Variants in TMTC1 observed in about 807,000 individuals in gnomAD.
The protein encoded by TMTC1 is transmembrane O-mannosyltransferase targeting cadherins 1.
In TMTC1, 73 loss-of-function variants were observed where a neutral mutation model predicts 104.8. That is an observed-to-expected ratio of 0.70 (90% confidence interval 0.58 to 0.85). TMTC1 has a LOEUF of 0.85. Ranked by LOEUF, TMTC1 falls within the 40% of genes least tolerant of loss-of-function variation. TMTC1 has a pLI of 0.00. For missense variants in TMTC1, 1,035 were observed against 1,096.1 expected (o/e 0.94, Z 0.79); for synonymous variants, 434 against 428.7 (o/e 1.01, Z -0.15).
chr12:29,767,956 C>G lies in TMTC1; in HGVS notation c.422G>C (p.Arg141Pro). Residue 141 changes from arginine to proline, a missense_variant, in exon 2 of 18, where the codon CGT becomes CCT. Physicochemically the swap from Arg to Pro is moderately radical, Grantham distance 103. Transcript: ENST00000539277. ...YTCDKTVFKN[R>P]GLAFVTALLF... The stretch of plus-strand genomic sequence containing the variant: ...CAATGCCGTTACAAAAGCAAGTCCA[C>G]GATTCTTGAAGACAGTTTTATCACA... The G allele has an allele frequency of 1.2e-6, 2 of 1,613,840 alleles. No individual in the cohort carries two copies. Among genetic ancestry groups the G allele is most frequent in the Non-Finnish European group, 1.7e-6 (2 of 1,179,868 alleles).
chr12:29,518,371 G>A (rs1944050402), intron 13 of TMTC1, 101 bp downstream of exon 13: 9 of 1,379,120 alleles, frequency 6.5e-6, no homozygotes, highest in Non-Finnish European at 8.7e-6. Flanking sequence ...GGCAAAATTT[G>A]CTAGTATTCT....
At chr12:29,660,972 A>C in intron 5 of TMTC1, 1 of 671,322 alleles carries the variant, frequency 1.5e-6, no homozygotes, top group South Asian at 3.8e-5. Context: ...TGCAGCTCTG[A>C]AGAAGGCTGC....
Position 29,517,504 on chromosome 12 carries a change from G to A in TMTC1, c.2092C>T (p.Arg698Ter), listed in dbSNP as rs1217822717. ...TAAATCTGCAAAGCCTCTTCGTATC[G>A]GCCAGTGTTGTAATACAGTGCTCCC... ...PLGALYYNTGRYEEALQIYQE... is the reference protein window; with the variant it reads ...PLGALYYNTG The change falls in exon 14 of 18, where the codon CGA becomes TGA. Residue 698 changes from arginine (R) to a stop codon, truncating the protein, a stop_gained. Coordinates refer to ENST00000539277, the MANE Select transcript of TMTC1 (RefSeq NM_001193451.2). LOFTEE classifies it high-confidence loss of function. 6.2e-6 allele frequency: 10 copies of A among 1,613,922 alleles called. No homozygotes were observed. The highest frequency in any genetic ancestry group is 1.3e-5 in the African/African-American group (1 of 74,864).
intron 5 of TMTC1, among the ~76,000 whole-genome samples, chr12:29,648,385 G>T (rs1383916734): frequency 3.3e-5 from 5 of 152,126 alleles, no homozygotes; most frequent in Non-Finnish European, 7.3e-5. Context: ...ATGGTCTTGG[G>T]TCTTGAAGAA....
At chr12:29,752,368 A>G (rs1943112965) in intron 4 of TMTC1, among the ~76,000 whole-genome samples, 1 of 152,234 alleles carries the variant, frequency 6.6e-6, no homozygotes, top group Admixed American at 6.5e-5. Flanking sequence ...AAAAATTTAA[A>G]CATCTGATAC....
intron 6 of TMTC1, 132 bp downstream of exon 6, chr12:29,633,015 G>T: frequency 2.7e-6 from 2 of 744,486 alleles, no homozygotes; most frequent in Non-Finnish European, 4.1e-6. Flanking sequence ...GTTATTACCC[G>T]CTACAAAAAA....
chr12:29,767,960 T>C lies in TMTC1; in HGVS notation c.418A>G (p.Asn140Asp). The change falls in exon 2 of 18, where the codon AAT becomes GAT. Residue 140 changes from asparagine (N) to aspartate (D), a missense_variant. Physicochemically the swap from Asn to Asp is conservative, Grantham distance 23. Coordinates refer to ENST00000539277, the MANE Select transcript of TMTC1 (RefSeq NM_001193451.2). Reference protein sequence around the residue: ...MYTCDKTVFKNRGLAFVTALL... With the variant: ...MYTCDKTVFKDRGLAFVTALL... ...GCCGTTACAAAAGCAAGTCCACGAT[T>C]CTTGAAGACAGTTTTATCACAGGTG... 6.2e-7 allele frequency: 1 copy of C among 1,613,972 alleles called. No individual in the cohort carries two copies. Among genetic ancestry groups the C allele is most frequent in the Non-Finnish European group, 8.5e-7 (1 of 1,179,896 alleles).
chr12:29,708,346 T>A (rs1316322047), intron 5 of TMTC1, among the ~76,000 whole-genome samples: 1 of 152,222 alleles, frequency 6.6e-6, no homozygotes, highest in Non-Finnish European at 1.5e-5. Context: ...TAATGCACTT[T>A]ATTTATTAAA....
At chr12:29,568,431 T>A (rs927750108) in intron 9 of TMTC1, among the ~76,000 whole-genome samples, 2 of 152,118 alleles carry the variant, frequency 1.3e-5, no homozygotes, top group Non-Finnish European at 2.9e-5. Context: ...ATCAGAAAAA[T>A]CTCAGTCTAC....
chr12:29,670,126 C>T (rs992032582), intron 5 of TMTC1, among the ~76,000 whole-genome samples: 3 of 152,132 alleles, frequency 2.0e-5, no homozygotes, highest in African/African-American at 7.2e-5. Context: ...CACAAGTAGA[C>T]GTTTGCACTA....
intron 1 of TMTC1, among the ~76,000 whole-genome samples, chr12:29,770,911 A>G (rs745449578): frequency 1.3e-5 from 2 of 152,166 alleles, no homozygotes; most frequent in Non-Finnish European, 2.9e-5. Context: ...CTCATAATTT[A>G]ATAGAAAAGG....
At chr12:29,725,028 T>TTG (rs1942346701) in intron 5 of TMTC1, among the ~76,000 whole-genome samples, 1 of 137,144 alleles carries the variant, frequency 7.3e-6, no homozygotes, top group South Asian at 2.5e-4. Context: ...TTTTTTTTTT[T>TTG]TTTTTTTTTT....
In TMTC1 at chr12:29,633,278, T is replaced by C; in HGVS notation, c.997A>G (p.Thr333Ala). The C allele has an allele frequency of 6.2e-7, 1 of 1,613,750 alleles. No individual in the cohort carries two copies. ...CCGACCTGCCAGTCATAGCACAGGGTCACGGGTGCAAGCAGAAGCCACACA... is the reference window on the plus strand; with the variant it reads ...CCGACCTGCCAGTCATAGCACAGGGCCACGGGTGCAAGCAGAAGCCACACA... ...FNVWLLLAPV[T>A]LCYDWQVGSI... is the part of the protein sequence containing the mutation. Residue 333 changes from threonine (T) to alanine (A), a missense_variant, in exon 6 of 18, where the codon ACC (threonine) becomes GCC (alanine). Transcript: ENST00000539277.
chr12:29,663,665 C>T (rs539275814), intron 5 of TMTC1, among the ~76,000 whole-genome samples: 2 of 151,034 alleles, frequency 1.3e-5, no homozygotes, highest in Non-Finnish European at 1.5e-5. Context: ...TACAGGAGCC[C>T]GCCACCATGC....
Position 29,502,000 on chromosome 12 carries a change from G to T in TMTC1, c.*4846C>A, listed in dbSNP as rs1943604622. On this transcript the variant is annotated 3_prime_UTR_variant, in exon 18 of 18. Transcript: ENST00000539277. ...GAACTATTCAGCATATTTTCCTTTT[G>T]CATCAAAAACGTCAAGAATAATCAT... is the stretch of plus-strand genomic sequence containing the variant. The T allele has an allele frequency of 6.6e-6, 1 of 151,558 alleles. No individual in the cohort carries two copies. The highest frequency in any genetic ancestry group is 1.5e-5 in the Non-Finnish European group (1 of 67,938). The allele number at this position is 151,558 out of a possible 1,614,324, so 9.4% of individuals were successfully genotyped here.
At chr12:29,646,999 A>G (rs150665633) in intron 5 of TMTC1, among the ~76,000 whole-genome samples, 2 of 152,296 alleles carry the variant, frequency 1.3e-5, no homozygotes, top group Non-Finnish European at 2.9e-5. Context: ...TCTAAAATAC[A>G]GAACAGCTTC....
intron 5 of TMTC1, among the ~76,000 whole-genome samples, chr12:29,713,340 C>CAT (rs1462061001): frequency 8.0e-6 from 1 of 125,348 alleles, no homozygotes; most frequent in East Asian, 2.0e-4. Flanking sequence ...CACACACACA[C>CAT]AGGGAGAGAG....
chr12:29,761,176 A>G (rs1943340780), intron 2 of TMTC1, among the ~76,000 whole-genome samples: 1 of 149,710 alleles, frequency 6.7e-6, no homozygotes, highest in African/African-American at 2.4e-5. Flanking sequence ...TCTATAAATT[A>G]TATTATAGAA....
intron 5 of TMTC1, among the ~76,000 whole-genome samples, chr12:29,642,642 T>C (rs562477758): frequency 5.5e-4 from 83 of 151,868 alleles, no homozygotes; most frequent in African/African-American, 1.2e-3. Flanking sequence ...AAATAAAAAA[T>C]AGGCCAGGCG....
Sources: gnomAD v4.1 joint callset for allele counts (sites outside exome capture counted in the v4.1 genomes callset) on GRCh38, gnomAD v4.1.1 for gene constraint, MANE v1.5 for transcripts, NCBI Gene and HGNC (gene_info 2026-07-23, HGNC 2026-07-21) for gene names.